The following BICC1 variants were observed in gnomAD, a reference collection of about 807,000 sequenced individuals.
The protein encoded by BICC1 is protein bicaudal C homolog 1.
BICC1 carries 43 observed loss-of-function variants against 111.0 expected under a neutral mutation model. The ratio of observed to expected loss-of-function variants is 0.39; its 90% CI spans 0.30 to 0.50. BICC1 has a LOEUF of 0.50. BICC1 is among the 20% of genes least tolerant of loss of function. BICC1 has a pLI of 0.88. For synonymous variants in BICC1, 467 were observed against 434.4 expected (o/e 1.07, Z -0.93); for missense variants, 1,091 against 1,203.2 (o/e 0.91, Z 1.38).
rs1323830421 is a variant in BICC1, at chr10:58,828,790, G to A, written c.2824G>A (p.Glu942Lys). The change falls in exon 21 of 21, where the codon GAA becomes AAA. Residue 942 changes from glutamate to lysine, a missense_variant. Physicochemically the swap from Glu to Lys is moderately conservative, Grantham distance 56. This residue lies in a region of BICC1 where 231 missense variants were observed against 256.2 expected (regional missense o/e 0.90). Coordinates refer to ENST00000373886, the MANE Select transcript of BICC1 (RefSeq NM_001080512.3). ...AAATAAAAACCGAAGAAAGCTTTTT[G>A]AATCGCCAAATGCACGCACCTCTTT... ...ELNKNRRKLFESPNARTSFLE... is the reference protein window; with the variant it reads ...ELNKNRRKLFKSPNARTSFLE... The A allele has an allele frequency of 6.2e-7, 1 of 1,613,518 alleles. No homozygotes were observed. Among genetic ancestry groups the A allele is most frequent in the South Asian group, 1.1e-5 (1 of 91,048 alleles).
chr10:58,618,050 T>C (rs1845675240), intron 1 of BICC1, among the ~76,000 whole-genome samples: 1 of 152,238 alleles, frequency 6.6e-6, no homozygotes. Context: ...AAACTCCCTC[T>C]GCCTAGGGGG....
At chr10:58,685,972 C>T (rs1839711435) in intron 2 of BICC1, among the ~76,000 whole-genome samples, 1 of 152,284 alleles carries the variant, frequency 6.6e-6, no homozygotes. Flanking sequence ...ATGGTCTTTA[C>T]AATTTGGCAC....
chr10:58,750,231 G>A (rs1375216972), intron 3 of BICC1, among the ~76,000 whole-genome samples: 1 of 152,120 alleles, frequency 6.6e-6, no homozygotes, highest in Non-Finnish European at 1.5e-5. Flanking sequence ...GTTAAGTGTA[G>A]TTGGGATTCT....
intron 3 of BICC1, among the ~76,000 whole-genome samples, chr10:58,745,657 T>C (rs1841816092): frequency 1.4e-5 from 2 of 141,186 alleles, no homozygotes; most frequent in Non-Finnish European, 3.0e-5. Flanking sequence ...CAAAGCCTTT[T>C]CTTCTGTAGT....
intron 1 of BICC1, among the ~76,000 whole-genome samples, chr10:58,518,250 T>A (rs1298962402): frequency 2.6e-5 from 4 of 152,194 alleles, no homozygotes; most frequent in Non-Finnish European, 5.9e-5. Context: ...CTCTTCTGGT[T>A]GTAAGTTGCT....
chr10:58,734,947 T>C (rs1841423765), intron 3 of BICC1, among the ~76,000 whole-genome samples: 1 of 152,188 alleles, frequency 6.6e-6, no homozygotes, highest in Admixed American at 6.5e-5. Context: ...AAGCAGATCT[T>C]ACAGAATGAA....
intron 3 of BICC1, among the ~76,000 whole-genome samples, chr10:58,717,213 G>T (rs1367309805): frequency 6.6e-6 from 1 of 152,118 alleles, no homozygotes; most frequent in African/African-American, 2.4e-5. Context: ...TGTAACCAGT[G>T]ATAGTTTATT....
intron 9 of BICC1, among the ~76,000 whole-genome samples, chr10:58,795,193 G>A (rs1369959712): frequency 2.6e-5 from 4 of 152,002 alleles, no homozygotes; most frequent in Non-Finnish European, 5.9e-5. Flanking sequence ...TGCATAGAAT[G>A]GTGTATATAT....
chr10:58,781,218 AT>A (rs2132766342), intron 3 of BICC1, among the ~76,000 whole-genome samples: 1 of 152,314 alleles, frequency 6.6e-6, no homozygotes, highest in African/African-American at 2.4e-5. Flanking sequence ...AGATCAGAAT[AT>A]TTGAACTCAG....
chr10:58,619,776 T>C (rs1845739568), intron 1 of BICC1, among the ~76,000 whole-genome samples: 1 of 152,216 alleles, frequency 6.6e-6, no homozygotes, highest in Non-Finnish European at 1.5e-5. Context: ...TTATGGTAGA[T>C]GCTTGTCAAA....
At chr10:58,791,457 G>C (rs562306832) in intron 8 of BICC1, among the ~76,000 whole-genome samples, 1 of 152,240 alleles carries the variant, frequency 6.6e-6, no homozygotes, top group African/African-American at 2.4e-5. Context: ...TCACTTCCTG[G>C]CTGGGCGCGG....
At chr10:58,777,326 G>A (rs1842774275) in intron 3 of BICC1, among the ~76,000 whole-genome samples, 1 of 151,990 alleles carries the variant, frequency 6.6e-6, no homozygotes, top group African/African-American at 2.4e-5. Context: ...AAGTTGAAAA[G>A]TCAGTGGAGA....
At chr10:58,734,560 A>G (rs566798142) in intron 3 of BICC1, among the ~76,000 whole-genome samples, 4 of 152,322 alleles carry the variant, frequency 2.6e-5, no homozygotes, top group Admixed American at 2.6e-4. Flanking sequence ...TTGATGGGGA[A>G]GTGAATTGAA....
Position 58,763,991 on chromosome 10 carries a change from G to A in BICC1, c.308-21010G>A, listed in dbSNP as rs114709911. 5.5e-3 allele frequency among the ~76,000 whole-genome samples: 844 copies of A among 152,246 alleles called. 9 individuals are homozygous for A. The highest frequency in any genetic ancestry group is 0.019 in the African/African-American group (809 of 41,546). ...AAGGAATATCAAATGAAGACTCACA[G>A]GCATGGAATTGCTATACATTTAGTG... On this transcript the variant is annotated intron_variant, in intron 3 of 20. Transcript: ENST00000373886.
chr10:58,676,006 G>A (rs952493093), intron 2 of BICC1, among the ~76,000 whole-genome samples: 2 of 152,162 alleles, frequency 1.3e-5, no homozygotes, highest in Admixed American at 1.3e-4. Context: ...AGGGTGGGGA[G>A]TCGCCTCACC....
At chr10:58,601,995 G>A (rs915609931) in intron 1 of BICC1, among the ~76,000 whole-genome samples, 2 of 152,036 alleles carry the variant, frequency 1.3e-5, no homozygotes, top group Non-Finnish European at 2.9e-5. Context: ...ACTTGATAGA[G>A]CATTGCCAAC....
At chr10:58,535,894 A>C (rs908196511) in intron 1 of BICC1, among the ~76,000 whole-genome samples, 3 of 151,554 alleles carry the variant, frequency 2.0e-5, no homozygotes, top group Non-Finnish European at 4.4e-5. Context: ...TATTTCATGC[A>C]ATCAGAAACC....
chr10:58,807,201 T>C (rs1843735963), intron 17 of BICC1, 43 bp downstream of exon 17: 1 of 1,573,066 alleles, frequency 6.4e-7, no homozygotes. Flanking sequence ...GTCTGTTCTT[T>C]CAGCAAAAGA....
intron 20 of BICC1, among the ~76,000 whole-genome samples, chr10:58,825,349 G>A (rs1431111761): frequency 1.3e-5 from 2 of 151,994 alleles, no homozygotes; most frequent in African/African-American, 4.8e-5. Flanking sequence ...GGAGATTTGT[G>A]ACAACTTGAA....
Sources: allele counts gnomAD v4.1 joint callset (sites outside exome capture counted in the v4.1 genomes callset), GRCh38; gene constraint gnomAD v4.1.1; regional missense constraint gnomAD v4.1.1; transcripts MANE v1.5; gene names NCBI Gene and HGNC (gene_info 2026-07-23, HGNC 2026-07-21).